Variants in PAK5 observed in about 807,000 individuals in gnomAD.
PAK5 encodes the protein serine/threonine-protein kinase PAK 5.
A neutral mutation model predicts 65.9 loss-of-function variants in PAK5; 16 were observed. That is an observed-to-expected ratio of 0.24 (90% CI 0.16 to 0.37). PAK5 has a LOEUF of 0.37. PAK5 is among the 10% of genes least tolerant of loss of function. The pLI is 1.00. For missense variants in PAK5, 785 were observed against 903.9 expected (o/e 0.87, Z 1.69); for synonymous variants, 371 against 354.9 (o/e 1.05, Z -0.51).
At chr20:9,648,232 T>C (rs1377779094) in intron 2 of PAK5, among the ~76,000 whole-genome samples, 2 of 152,182 alleles carry the variant, frequency 1.3e-5, no homozygotes, top group African/African-American at 2.4e-5. Context: ...AAAAGGTGCA[T>C]GGGGCCAAGT....
intron 1 of PAK5, among the ~76,000 whole-genome samples, chr20:9,767,625 A>G (rs1430104847): frequency 6.6e-6 from 1 of 152,132 alleles, no homozygotes; most frequent in Non-Finnish European, 1.5e-5. Context: ...TCCAGGCAAT[A>G]TTTAAGCTTT....
chr20:9,539,314 G>T lies in PAK5; in HGVS notation c.*148C>A. ...GTTTAAGACACAAGAAGATGCCCTG[G>T]TCTGTTGAACCCTGCCGGTCATCAC... On this transcript the variant is annotated 3_prime_UTR_variant, in exon 10 of 10. Coordinates refer to ENST00000353224, the MANE Select transcript of PAK5 (RefSeq NM_177990.4). 1 of 703,054 alleles carries T rather than the reference G, an allele frequency of 1.4e-6. No homozygotes were observed. The highest frequency in any genetic ancestry group is 2.5e-6 in the Non-Finnish European group (1 of 406,622). 43.6% of individuals were successfully genotyped at this position (703,054 alleles called of 1,614,324 possible). A position where few individuals can be genotyped will look rare whatever the true frequency, so the allele number is the denominator to read the frequency against.
intron 4 of PAK5, among the ~76,000 whole-genome samples, chr20:9,575,905 C>T (rs1271392290): frequency 6.6e-6 from 1 of 152,166 alleles, no homozygotes; most frequent in Non-Finnish European, 1.5e-5. Context: ...CCTTTATAAA[C>T]TTGGGGAAGT....
intron 3 of PAK5, among the ~76,000 whole-genome samples, chr20:9,611,397 A>G (rs142848702): frequency 3.9e-5 from 6 of 151,948 alleles, no homozygotes; most frequent in Admixed American, 1.3e-4. Context: ...ATCAGAGAAG[A>G]GATGGTACTG....
At chr20:9,596,266 C>G (rs1249997537) in intron 3 of PAK5, among the ~76,000 whole-genome samples, 2 of 152,120 alleles carry the variant, frequency 1.3e-5, no homozygotes, top group African/African-American at 4.8e-5. Context: ...AGGCTGTTTA[C>G]TCTTTAGGAA....
chr20:9,744,206 G>A (rs1167632178), intron 1 of PAK5, among the ~76,000 whole-genome samples: 4 of 152,170 alleles, frequency 2.6e-5, no homozygotes, highest in African/African-American at 9.7e-5. Context: ...TGAGAGAATA[G>A]ATGTCAACTG....
chr20:9,752,843 G>A (rs1028172424), intron 1 of PAK5, among the ~76,000 whole-genome samples: 3 of 152,074 alleles, frequency 2.0e-5, no homozygotes, highest in African/African-American at 7.2e-5. Context: ...TTGAATCTAG[G>A]CTTGGCTATG....
intron 1 of PAK5, among the ~76,000 whole-genome samples, chr20:9,790,371 T>C (rs896816083): frequency 2.0e-5 from 3 of 151,468 alleles, no homozygotes; most frequent in Admixed American, 6.6e-5. Flanking sequence ...AGATAACACA[T>C]GAAAAGAGGA....
At chr20:9,827,692 GAA>G (rs1220958617) in intron 1 of PAK5, among the ~76,000 whole-genome samples, 3 of 152,198 alleles carry the variant, frequency 2.0e-5, no homozygotes, top group African/African-American at 7.2e-5. Flanking sequence ...TCAGATAACA[GAA>G]GATCATTTTG....
At chr20:9,654,731 A>G (rs2047244753) in intron 2 of PAK5, among the ~76,000 whole-genome samples, 2 of 152,122 alleles carry the variant, frequency 1.3e-5, no homozygotes, top group Non-Finnish European at 2.9e-5. Context: ...CTCTAACTGT[A>G]TAAATTCCTT....
At chr20:9,729,819 C>T (rs1283108089) in intron 1 of PAK5, among the ~76,000 whole-genome samples, 2 of 151,422 alleles carry the variant, frequency 1.3e-5, no homozygotes, top group Non-Finnish European at 2.9e-5. Flanking sequence ...TACTCATGCC[C>T]AACATGGCAA....
At chr20:9,790,182 G>T (rs1459055823) in intron 1 of PAK5, among the ~76,000 whole-genome samples, 1 of 152,092 alleles carries the variant, frequency 6.6e-6, no homozygotes, top group African/African-American at 2.4e-5. Context: ...TGAAGTTCCT[G>T]CAATCTACTG....
intron 1 of PAK5, among the ~76,000 whole-genome samples, chr20:9,820,465 A>G (rs913979737): frequency 3.9e-5 from 6 of 152,178 alleles, no homozygotes; most frequent in Non-Finnish European, 8.8e-5. Context: ...AATGAAGGCA[A>G]TATGTAACCC....
At chr20:9,589,245 TCTTACCCTG>T (rs2046123156) in intron 3 of PAK5, among the ~76,000 whole-genome samples, 1 of 152,182 alleles carries the variant, frequency 6.6e-6, no homozygotes, top group Non-Finnish European at 1.5e-5. Context: ...CTATCTAAAT[TCTTACCCTG>T]TTGGTAAAGA....
rs1208945215 is a variant in PAK5 at position 9,766,435 on chromosome 20, A to ACTT, written c.-161-55001_-161-55000insAAG. Reference sequence around the variant, plus strand: ...TATATATGTATATATATATTCAAGCAGAATATATATGTATATATATATTCA... The same window carrying ACTT: ...TATATATGTATATATATATTCAAGCACTTGAATATATATGTATATATATATTCA... On this transcript the variant is annotated intron_variant, in intron 1 of 9. Transcript: ENST00000353224. 2.3e-3 allele frequency among the ~76,000 whole-genome samples: 104 copies of ACTT among 46,152 alleles called. 1 individual carries two copies. The highest frequency in any genetic ancestry group is 6.8e-3 in the African/African-American group (43 of 6,324). 30.3% of individuals were successfully genotyped at this position (46,152 alleles called of 152,430 possible).
intron 3 of PAK5, among the ~76,000 whole-genome samples, chr20:9,643,822 TG>T (rs1162159522): frequency 8.5e-5 from 13 of 152,332 alleles, no homozygotes; most frequent in African/African-American, 3.1e-4. Context: ...ATGGATAATA[TG>T]CTTCAGTATA....
chr20:9,703,049 T>C (rs1029880365), intron 2 of PAK5, among the ~76,000 whole-genome samples: 2 of 152,160 alleles, frequency 1.3e-5, no homozygotes, highest in African/African-American at 4.8e-5. Flanking sequence ...TGATAGATTG[T>C]ACCTAAAACC....
intron 2 of PAK5, among the ~76,000 whole-genome samples, chr20:9,662,817 A>C (rs1376006764): frequency 6.6e-6 from 1 of 152,164 alleles, no homozygotes; most frequent in African/African-American, 2.4e-5. Flanking sequence ...AGCAAATAGC[A>C]TTAGCCTCAC....
chr20:9,607,128 C>G (rs2046469190), intron 3 of PAK5, among the ~76,000 whole-genome samples: 1 of 152,176 alleles, frequency 6.6e-6, no homozygotes. Context: ...AGTTGAAAAG[C>G]CTGGCAGACA....
Sources: gnomAD v4.1 joint callset for allele counts (sites outside exome capture counted in the v4.1 genomes callset) on GRCh38, gnomAD v4.1.1 for gene constraint, MANE v1.5 for transcripts, NCBI Gene and HGNC (gene_info 2026-07-23, HGNC 2026-07-21) for gene names.